Variants in B3GALT1 observed in about 807,000 individuals in gnomAD.
B3GALT1 encodes the protein beta-1,3-galactosyltransferase 1, also known as UDP-Gal:betaGlcNAc beta 1,3-galactosyltransferase, polypeptide 1.
B3GALT1 carries 10 observed loss-of-function variants against 23.2 expected under a neutral mutation model. That is an observed-to-expected ratio of 0.43 (90% confidence interval 0.27 to 0.73). The LOEUF (loss-of-function observed/expected upper bound fraction) is 0.73. Among genes scored for constraint, B3GALT1 ranks in the 30% least tolerant of loss-of-function variants. B3GALT1 has a pLI of 0.21. For missense variants in B3GALT1, 299 were observed against 405.4 expected (o/e 0.74, Z 2.25); for synonymous variants, 156 against 141.5 (o/e 1.10, Z -0.73).
At chr2:167,647,487 T>G (rs138655555) in intron 3 of B3GALT1, among the ~76,000 whole-genome samples, 1 of 152,280 alleles carries the variant, frequency 6.6e-6, no homozygotes, top group East Asian at 1.9e-4. Context: ...TTCCATGAAA[T>G]AATGATGCAA....
intron 4 of B3GALT1, among the ~76,000 whole-genome samples, chr2:167,832,984 G>A (rs923111219): frequency 4.6e-5 from 7 of 152,332 alleles, no homozygotes; most frequent in African/African-American, 1.7e-4. Context: ...AAGTAGAAAT[G>A]GGAAGCAAGT....
At chr2:167,326,855 A>C (rs1311790228) in intron 1 of B3GALT1, among the ~76,000 whole-genome samples, 2 of 151,934 alleles carry the variant, frequency 1.3e-5, no homozygotes, top group Non-Finnish European at 2.9e-5. Context: ...ACACCCGGCT[A>C]ATTTTTCTTT....
chr2:167,403,268 C>A (rs111740512), intron 1 of B3GALT1, among the ~76,000 whole-genome samples: 1 of 19,732 alleles, frequency 5.1e-5, no homozygotes, highest in Non-Finnish European at 6.6e-4. Context: ...TGAGAACTTG[C>A]GGTGTTTGGT....
chr2:167,720,510 T>G (rs1687213555), intron 3 of B3GALT1, among the ~76,000 whole-genome samples: 1 of 152,102 alleles, frequency 6.6e-6, no homozygotes, highest in South Asian at 2.1e-4. Context: ...GTCACACAAC[T>G]TGCAAGATCC....
Position 167,872,755 on chromosome 2 carries a change from T to A in B3GALT1, c.*2735T>A, listed in dbSNP as rs1238394041. ...GAGAATCGTATGTCTTAAAGAACTA[T>A]TTCCTTACTTTTTTATGCTAGGTAA... On this transcript the variant is annotated 3_prime_UTR_variant, in exon 5 of 5. Coordinates refer to ENST00000392690, the MANE Select transcript of B3GALT1 (RefSeq NM_020981.4). 6.6e-6 allele frequency: 1 copy of A among 152,206 alleles called. No individual in the cohort carries two copies. Among genetic ancestry groups the A allele is most frequent in the African/African-American group, 2.4e-5 (1 of 41,442 alleles). The allele number at this position is 152,206 out of a possible 1,614,324, so 9.4% of individuals were successfully genotyped here. A position where few individuals can be genotyped will look rare whatever the true frequency, so the allele number is the denominator to read the frequency against.
intron 2 of B3GALT1, among the ~76,000 whole-genome samples, chr2:167,576,917 A>C (rs1332780992): frequency 1.3e-5 from 2 of 151,698 alleles, no homozygotes; most frequent in Non-Finnish European, 3.0e-5. Context: ...GCTTTTAAGG[A>C]GAAAGTAATG....
chr2:167,374,147 G>C (rs1246702023), intron 1 of B3GALT1, among the ~76,000 whole-genome samples: 3 of 152,118 alleles, frequency 2.0e-5, no homozygotes, highest in Non-Finnish European at 4.4e-5. Flanking sequence ...AATTTGCTTA[G>C]GATAATTGTC....
intron 1 of B3GALT1, among the ~76,000 whole-genome samples, chr2:167,323,321 G>A (rs1211654619): frequency 2.0e-5 from 3 of 152,034 alleles, no homozygotes; most frequent in African/African-American, 7.2e-5. Context: ...ACGCATGTCT[G>A]TGTCTGTATT....
chr2:167,713,684 C>G lies in B3GALT1; in HGVS notation c.-352+66718C>G, dbSNP rs1687097196. 4 of 1,456,102 alleles carry G rather than the reference C, an allele frequency of 2.7e-6. No homozygotes were observed. In the East Asian group the frequency reaches 9.1e-5, roughly 33 times the overall value. 90.2% of individuals were successfully genotyped at this position (1,456,102 alleles called of 1,614,324 possible). A position where few individuals can be genotyped will look rare whatever the true frequency, so the allele number is the denominator to read the frequency against. ...ATTTCTTGCTGTGGTTCTGGATGTTCAGTAGCAGGCTCCTTTGAAGGTGGA... is the reference window on the plus strand; with the variant it reads ...ATTTCTTGCTGTGGTTCTGGATGTTGAGTAGCAGGCTCCTTTGAAGGTGGA... On this transcript the variant is annotated intron_variant, in intron 3 of 4. Transcript: ENST00000392690.
intron 2 of B3GALT1, among the ~76,000 whole-genome samples, chr2:167,524,649 A>G (rs1032987239): frequency 2.6e-5 from 4 of 152,236 alleles, no homozygotes; most frequent in African/African-American, 7.2e-5. Context: ...TTCACATTCA[A>G]AACAGTATAC....
chr2:167,713,531 G>C lies in B3GALT1; in HGVS notation c.-352+66565G>C, dbSNP rs530158426. 5 of 660,818 alleles carry C rather than the reference G, an allele frequency of 7.6e-6. No individual in the cohort carries two copies. The African/African-American group carries it at 9.1e-5, about 12-fold the overall frequency. The allele number at this position is 660,818 out of a possible 1,614,324, so 40.9% of individuals were successfully genotyped here. On this transcript the variant is annotated intron_variant, in intron 3 of 4. Transcript: ENST00000392690. ...AAACCATCTTTATTTACAAAATACTGTCCTGAGAACTGTAATTCCATTAAA... is the reference window on the plus strand; with the variant it reads ...AAACCATCTTTATTTACAAAATACTCTCCTGAGAACTGTAATTCCATTAAA...
chr2:167,869,727 A>G lies in B3GALT1; in HGVS notation c.688A>G (p.Ser230Gly), dbSNP rs1041753752. The change falls in exon 5 of 5, where the codon AGT (serine) becomes GGT (glycine). Residue 230 changes from serine to glycine, a missense_variant. Physicochemically the swap from Ser to Gly is moderately conservative, Grantham distance 56. Coordinates refer to ENST00000392690, the MANE Select transcript of B3GALT1 (RefSeq NM_020981.4). The surrounding 1 kb of genome is among the most constrained non-coding windows in gnomAD (Gnocchi z 6.4). ...WYMPRDLYPD[S>G]NYPPFCSGTG... ...TATGCCCAGGGATTTGTACCCAGAC[A>G]GTAACTACCCACCTTTCTGTTCGGG... 1 of 1,614,220 alleles carries G rather than the reference A, an allele frequency of 6.2e-7. No individual in the cohort carries two copies. Among genetic ancestry groups the G allele is most frequent in the Non-Finnish European group, 8.5e-7 (1 of 1,180,038 alleles).
intron 1 of B3GALT1, among the ~76,000 whole-genome samples, chr2:167,387,012 C>CATCATATCATATCAT (rs143849741): frequency 1.1e-3 from 166 of 151,232 alleles, no homozygotes; most frequent in African/African-American, 4.0e-3. Flanking sequence ...TAGGTAGTCT[C>CATCATATCATATCAT]ATCATATCAT....
At chr2:167,629,712 A>G (rs1685406988) in intron 2 of B3GALT1, among the ~76,000 whole-genome samples, 1 of 151,822 alleles carries the variant, frequency 6.6e-6, no homozygotes, top group Non-Finnish European at 1.5e-5. Context: ...AAGACGCATT[A>G]GAATAAATTA....
At chr2:167,708,523 C>T (rs1161917697) in intron 3 of B3GALT1, among the ~76,000 whole-genome samples, 1 of 152,110 alleles carries the variant, frequency 6.6e-6, no homozygotes, top group Non-Finnish European at 1.5e-5. Context: ...TTAGCCGGCA[C>T]AGTGGCGCAT....
At chr2:167,821,533 C>A (rs760543288) in intron 4 of B3GALT1, among the ~76,000 whole-genome samples, 9 of 146,354 alleles carry the variant, frequency 6.1e-5, no homozygotes, top group Non-Finnish European at 1.0e-4. Flanking sequence ...CTCCTGGGTT[C>A]AAGTGATTCT....
chr2:167,770,664 T>C (rs1174072643), intron 3 of B3GALT1, among the ~76,000 whole-genome samples: 3 of 152,306 alleles, frequency 2.0e-5, no homozygotes, highest in African/African-American at 7.2e-5. Context: ...GATCATACTA[T>C]TTCCACTAAA....
At chr2:167,448,398 A>C (rs1015842338) in intron 1 of B3GALT1, among the ~76,000 whole-genome samples, 1 of 151,798 alleles carries the variant, frequency 6.6e-6, no homozygotes, top group Non-Finnish European at 1.5e-5. Context: ...TTTGTTGTAC[A>C]TTTGTATATT....
At chr2:167,405,293 T>C (rs1698258539) in intron 1 of B3GALT1, among the ~76,000 whole-genome samples, 1 of 152,172 alleles carries the variant, frequency 6.6e-6, no homozygotes, top group African/African-American at 2.4e-5. Context: ...ATTACTATCA[T>C]TTAAAAGGAC....
Sources: gnomAD v4.1 joint callset for allele counts (sites outside exome capture counted in the v4.1 genomes callset) on GRCh38, gnomAD v4.1.1 for gene constraint, Gnocchi (gnomAD v3.1) non-coding constraint, MANE v1.5 for transcripts, NCBI Gene and HGNC (gene_info 2026-07-23, HGNC 2026-07-21) for gene names.